Variants in KMT2D observed in about 807,000 individuals in gnomAD.
KMT2D encodes the protein lysine methyltransferase 2D.
A neutral mutation model predicts 512.7 loss-of-function variants in KMT2D; 55 were observed. The ratio of observed to expected loss-of-function variants is 0.11; its 90% confidence interval spans 0.09 to 0.13. The LOEUF (loss-of-function observed/expected upper bound fraction) is 0.13. Ranked by LOEUF, KMT2D falls within the 10% of genes least tolerant of loss-of-function variation. KMT2D has a pLI of 1.00. For synonymous variants in KMT2D, 2,995 were observed against 2,904.0 expected (o/e 1.03, Z -1.01); for missense variants, 6,061 against 7,127.9 (o/e 0.85, Z 5.39).
rs774403945 is a variant in KMT2D, at chr12:49,026,886, C to T, written c.15080G>A (p.Arg5027Gln). ...ACAGAAACAGCAGCGACGCATGTCT[C>T]GCGGTACCTTGTCAGGTCGCAAGGC... The part of the protein sequence containing the change: ...GTALRPDKVP[R>Q]DMRRCCFCHE... Residue 5027 changes from arginine to glutamine, a missense_variant, in exon 49 of 55, where the codon CGA becomes CAA. Transcript: ENST00000301067. The surrounding 1 kb of genome is among the most constrained non-coding windows in gnomAD (Gnocchi z 9.6). 6.2e-6 allele frequency: 10 copies of T among 1,613,908 alleles called. No homozygotes were observed. The highest frequency in any genetic ancestry group is 5.0e-5 in the Admixed American group (3 of 60,012).
chr12:49,041,277 G>T lies in KMT2D; in HGVS notation c.6493C>A (p.Pro2165Thr). 6.6e-6 allele frequency: 10 copies of T among 1,521,014 alleles called. No individual in the cohort carries two copies. The highest frequency in any genetic ancestry group is 8.8e-6 in the Non-Finnish European group (10 of 1,137,946). 94.2% of individuals were successfully genotyped at this position (1,521,014 alleles called of 1,614,324 possible). The stretch of plus-strand genomic sequence containing the variant: ...GAAGGCACTTGGGCGGGCACCTGGG[G>T]TGGGAGCTTGAGGAAGAGCTCACCA... ...SPGELFLKLP[P>T]QVPAQVPSQD... Residue 2165 changes from proline (P) to threonine (T), a missense_variant, in exon 32 of 55, where the codon CCC (proline) becomes ACC (threonine). Coordinates refer to ENST00000301067, the MANE Select transcript of KMT2D (RefSeq NM_003482.4). This position sits in a 1 kb window ranked among gnomAD's most constrained non-coding sequence, Gnocchi z 5.4.
chr12:49,041,136 G>C lies in KMT2D; in HGVS notation c.6634C>G (p.Leu2212Val), dbSNP rs750666025. ...PTGAPAQPPMLGASSRPGAGQ... is the reference protein window; with the variant it reads ...PTGAPAQPPMVGASSRPGAGQ... ...GCCCCAGGACGAGATGAGGCGCCCA[G>C]CATCGGGGGCTGCGCAGGGGCCCCC... Residue 2212 changes from leucine to valine, a missense_variant, in exon 32 of 55, where the codon CTG (leucine) becomes GTG (valine). This residue lies in a region of KMT2D where 710 missense variants were observed against 647.3 expected (regional missense o/e 1.10). Coordinates refer to ENST00000301067, the MANE Select transcript of KMT2D (RefSeq NM_003482.4). The surrounding 1 kb of genome is among the most constrained non-coding windows in gnomAD (Gnocchi z 5.4). 3.3e-6 allele frequency: 5 copies of C among 1,526,112 alleles called. 1 individual carries two copies. 94.5% of individuals were successfully genotyped at this position (1,526,112 alleles called of 1,614,324 possible).
rs368249592 is a variant in KMT2D at position 49,039,844 on chromosome 12, G to A, written c.7926C>T (p.Val2642=). The A allele has an allele frequency of 1.5e-5, 24 of 1,613,896 alleles. No individual in the cohort carries two copies. Among genetic ancestry groups the A allele is most frequent in the Middle Eastern group, 1.6e-4 (1 of 6,084 alleles). The change falls in exon 32 of 55, where the codon GTC becomes GTT. Residue 2642 remains valine, a synonymous_variant. Coordinates refer to ENST00000301067, the MANE Select transcript of KMT2D (RefSeq NM_003482.4). This position sits in a 1 kb window ranked among gnomAD's most constrained non-coding sequence, Gnocchi z 5.0. The stretch of plus-strand genomic sequence containing the variant: ...CAGTCCCTGGGTCTTCTCGCTTTTC[G>A]ACAGGAGAGGTGATGCCTGATCGCT... The part of the protein sequence containing the change: ...ASQRSGITSP[V]EKREDPGTGM...
chr12:49,039,985 C>T lies in KMT2D; in HGVS notation c.7785G>A (p.Gly2595=), dbSNP rs1197394788. ...GNFHPSGSPL[G]PSSGSTGESY... ...TCTCCCCTGTGGACCCGCTGCTGGG[C>T]CCCAGGGGGCTGCCCGATGGGTGGA... Residue 2595 remains glycine (G), a synonymous_variant, in exon 32 of 55, where the codon GGG becomes GGA. Transcript: ENST00000301067. This position sits in a 1 kb window ranked among gnomAD's most constrained non-coding sequence, Gnocchi z 5.0. 6.2e-7 allele frequency: 1 copy of T among 1,613,720 alleles called. No homozygotes were observed. The highest frequency in any genetic ancestry group is 8.5e-7 in the Non-Finnish European group (1 of 1,179,750).
chr12:49,021,947 G>A, intron 54 of KMT2D, 75 bp from the exon 55 acceptor site: 1 of 1,555,816 alleles, frequency 6.4e-7, no homozygotes, highest in Non-Finnish European at 8.9e-7. Context: ...TATGATCTGA[G>A]GTGCCCAGCC....
intron 35 of KMT2D, among the ~76,000 whole-genome samples, chr12:49,036,456 C>T (rs1387378995): frequency 6.8e-6 from 1 of 146,690 alleles, no homozygotes; most frequent in African/African-American, 2.5e-5. Flanking sequence ...GAACTACAGG[C>T]GTGCACCACC....
rs747921601 is a variant in KMT2D at position 49,051,095 on chromosome 12, C to G, written c.2588G>C (p.Arg863Pro). Residue 863 changes from arginine to proline, a missense_variant, in exon 11 of 55, where the codon CGG becomes CCG. Transcript: ENST00000301067. The part of the protein sequence containing the change: ...PELEKPPLSP[R>P]PEKPPEEPGQ... ...TGGCTCCTCAGGGGGCTTTTCAGGC[C>G]GAGGGGACAGGGGTGGCTTCTCAAG... is the stretch of plus-strand genomic sequence containing the variant. 2 of 1,519,988 alleles carry G rather than the reference C, an allele frequency of 1.3e-6. No homozygotes were observed. Among genetic ancestry groups the G allele is most frequent in the African/African-American group, 2.8e-5 (2 of 71,350 alleles). 94.2% of individuals were successfully genotyped at this position (1,519,988 alleles called of 1,614,324 possible). A position where few individuals can be genotyped will look rare whatever the true frequency, so the allele number is the denominator to read the frequency against.
At position 49,026,149 on chromosome 12, in the gene KMT2D, C is replaced by A. The variant is rs780141636; in HGVS notation, c.15784+33G>T. On this transcript the variant is annotated intron_variant, in intron 49 of 54. Transcript: ENST00000301067. This position sits in a 1 kb window ranked among gnomAD's most constrained non-coding sequence, Gnocchi z 9.6. Reference sequence around the variant, plus strand: ...GACCCTGGGAGAAACTTTTCCCATTCCATATTATCCATTTCAAGGGCCCAC... The same window carrying A: ...GACCCTGGGAGAAACTTTTCCCATTACATATTATCCATTTCAAGGGCCCAC... 1.3e-6 allele frequency: 2 copies of A among 1,521,812 alleles called. No homozygotes were observed. The highest frequency in any genetic ancestry group is 1.3e-5 in the South Asian group (1 of 76,668). 94.3% of individuals were successfully genotyped at this position (1,521,812 alleles called of 1,614,324 possible).
In KMT2D at chr12:49,041,793, G is replaced by C; in HGVS notation, c.6184-88C>G. On this transcript the variant is annotated intron_variant, in intron 30 of 54. Transcript: ENST00000301067. The surrounding 1 kb of genome is among the most constrained non-coding windows in gnomAD (Gnocchi z 5.4). Reference sequence around the variant, plus strand: ...GTAGTGTTTTCACACTCCCTACCCAGAAGCAGATCCCTTCTGGCCCAGCTG... The same window carrying C: ...GTAGTGTTTTCACACTCCCTACCCACAAGCAGATCCCTTCTGGCCCAGCTG... The C allele has an allele frequency of 6.5e-7, 1 of 1,533,012 alleles. No individual in the cohort carries two copies. Among genetic ancestry groups the C allele is most frequent in the Non-Finnish European group, 8.9e-7 (1 of 1,126,970 alleles). 95.0% of individuals were successfully genotyped at this position (1,533,012 alleles called of 1,614,324 possible).
In KMT2D at chr12:49,042,380, C is replaced by T; in HGVS notation, c.5868-50G>A. ...CAGGGCGCAGGGATGCCAAGTCCCA[C>T]CCCAGACAAACTGCCTAGAGCCCCA... On this transcript the variant is annotated intron_variant, in intron 28 of 54. Coordinates refer to ENST00000301067, the MANE Select transcript of KMT2D (RefSeq NM_003482.4). This position sits in a 1 kb window ranked among gnomAD's most constrained non-coding sequence, Gnocchi z 4.4. 2 of 1,491,742 alleles carry T rather than the reference C, an allele frequency of 1.3e-6. No homozygotes were observed. Among genetic ancestry groups the T allele is most frequent in the Non-Finnish European group, 1.8e-6 (2 of 1,118,866 alleles). 92.4% of individuals were successfully genotyped at this position (1,491,742 alleles called of 1,614,324 possible). A position where few individuals can be genotyped will look rare whatever the true frequency, so the allele number is the denominator to read the frequency against.
chr12:49,024,639 G>C lies in KMT2D; in HGVS notation c.15991C>G (p.Leu5331Val), dbSNP rs2137710588. Residue 5331 changes from leucine (L) to valine (V), a missense_variant, in exon 51 of 55, where the codon CTC becomes GTC. This residue lies in a region of KMT2D where 261 missense variants were observed against 440.7 expected (regional missense o/e 0.59). Transcript: ENST00000301067. This position sits in a 1 kb window ranked among gnomAD's most constrained non-coding sequence, Gnocchi z 4.5. Reference protein sequence around the residue: ...YGRHPLMELPLMINPTGCARS... With the variant: ...YGRHPLMELPVMINPTGCARS... The stretch of plus-strand genomic sequence containing the variant: ...GCACAGCCAGTGGGGTTGATCATGA[G>C]TGGCAGCTCCATAAGGGGGTGGCGC... 1 of 1,613,982 alleles carries C rather than the reference G, an allele frequency of 6.2e-7. No homozygotes were observed. The highest frequency in any genetic ancestry group is 8.5e-7 in the Non-Finnish European group (1 of 1,179,886).
intron 35 of KMT2D, 46 bp from the exon 36 acceptor site, chr12:49,034,981 C>G (rs767918759): frequency 6.2e-7 from 1 of 1,606,298 alleles, no homozygotes; most frequent in African/African-American, 1.3e-5. Flanking sequence ...GGCCAATGCT[C>G]CAGTGAATAT....
In KMT2D at chr12:49,040,016, C is replaced by T. The variant is rs2120521013; in HGVS notation, c.7754G>A (p.Gly2585Glu). The T allele has an allele frequency of 6.2e-7, 1 of 1,613,674 alleles. No individual in the cohort carries two copies. The highest frequency in any genetic ancestry group is 8.5e-7 in the Non-Finnish European group (1 of 1,179,776). ...GGGGCTGCCCGATGGGTGGAAGTTC[C>T]CTGTGGCTACTGTGTAGTTTGTGCT... is the stretch of plus-strand genomic sequence containing the variant. ...PQSTNYTVATGNFHPSGSPLG... is the reference protein window; with the variant it reads ...PQSTNYTVATENFHPSGSPLG... The change falls in exon 32 of 55, where the codon GGG (glycine) becomes GAG (glutamate). Residue 2585 changes from glycine (G) to glutamate (E), a missense_variant. Physicochemically the swap from Gly to Glu is moderately conservative, Grantham distance 98. This residue lies in a region of KMT2D where 527 missense variants were observed against 578.9 expected (regional missense o/e 0.91). Transcript: ENST00000301067.
At chr12:49,025,064 T>A in intron 49 of KMT2D, 118 bp from the exon 50 acceptor site, 1 of 1,201,338 alleles carries the variant, frequency 8.3e-7, no homozygotes, top group Non-Finnish European at 1.2e-6. Context: ...TATCATGAAG[T>A]TGTGTTGGTC....
rs752240940 is a variant in KMT2D at position 49,038,481 on chromosome 12, T to C, written c.8875A>G (p.Thr2959Ala). 16 of 1,606,854 alleles carry C rather than the reference T, an allele frequency of 1.0e-5. No homozygotes were observed. Among genetic ancestry groups the C allele is most frequent in the African/African-American group, 2.7e-5 (2 of 74,530 alleles). Residue 2959 changes from threonine (T) to alanine (A), a missense_variant, in exon 35 of 55, where the codon ACT becomes GCT. Thr to Ala is a moderately conservative substitution (Grantham distance 58, BLOSUM62 0). Coordinates refer to ENST00000301067, the MANE Select transcript of KMT2D (RefSeq NM_003482.4). This position sits in a 1 kb window ranked among gnomAD's most constrained non-coding sequence, Gnocchi z 5.7. Reference protein sequence around the residue: ...TPHTKGPTLPTGLELVNRPPS... With the variant: ...TPHTKGPTLPAGLELVNRPPS... Reference sequence around the variant, plus strand: ...GGCCGGTTGACCAGCTCCAAACCAGTTGGCAGGGTAGGACCCTTGGTGTGG... The same window carrying C: ...GGCCGGTTGACCAGCTCCAAACCAGCTGGCAGGGTAGGACCCTTGGTGTGG...
chr12:49,044,058 G>A lies in KMT2D; in HGVS notation c.5189-60C>T. The A allele has an allele frequency of 1.2e-6, 2 of 1,607,072 alleles. No individual in the cohort carries two copies. Among genetic ancestry groups the A allele is most frequent in the Non-Finnish European group, 1.7e-6 (2 of 1,175,936 alleles). On this transcript the variant is annotated intron_variant, in intron 22 of 54. Coordinates refer to ENST00000301067, the MANE Select transcript of KMT2D (RefSeq NM_003482.4). This position sits in a 1 kb window ranked among gnomAD's most constrained non-coding sequence, Gnocchi z 6.4. The stretch of plus-strand genomic sequence containing the variant: ...AGAGCATGCTGCTCCCAACTTGCAG[G>A]GTGACACTTTGTGCCTACTCTCTCC...
rs892233811 is a variant in KMT2D at position 49,038,052 on chromosome 12, G to A, written c.9304C>T (p.Pro3102Ser). The change falls in exon 35 of 55, where the codon CCT (proline) becomes TCT (serine). Residue 3102 changes from proline to serine, a missense_variant. By Grantham distance (74) the Pro-to-Ser change is moderately conservative (BLOSUM62 -1). Transcript: ENST00000301067. This position sits in a 1 kb window ranked among gnomAD's most constrained non-coding sequence, Gnocchi z 5.7. ...CGGGGTTCAGAGGCATCAGCAGCAG[G>A]GGGAGGGCGCTCCTCAGGGCCCAAG... ...GPLGPEERPP[P>S]AADASEPRLA... The A allele has an allele frequency of 3.7e-6, 6 of 1,612,402 alleles. No homozygotes were observed. The highest frequency in any genetic ancestry group is 5.1e-6 in the Non-Finnish European group (6 of 1,179,412).
In KMT2D at chr12:49,046,454, CA is replaced by C; in HGVS notation, c.4419-31del. 2 of 1,608,668 alleles carry C rather than the reference CA, an allele frequency of 1.2e-6. No individual in the cohort carries two copies. Among genetic ancestry groups the C allele is most frequent in the Non-Finnish European group, 1.7e-6 (2 of 1,176,314 alleles). The stretch of plus-strand genomic sequence containing the variant: ...TAGGAGCAGGAAAACAGAGCTTTAG[CA>C]CCCAACCTACCCGAAGTACCCAGAA... On this transcript the variant is annotated intron_variant, in intron 16 of 54. Transcript: ENST00000301067. The surrounding 1 kb of genome is among the most constrained non-coding windows in gnomAD (Gnocchi z 4.2).
intron 44 of KMT2D, 71 bp downstream of exon 44, chr12:49,029,330 G>A (rs1257234777): frequency 1.4e-5 from 22 of 1,579,136 alleles, no homozygotes; most frequent in East Asian, 2.3e-5. Context: ...AATCTCCATT[G>A]GCCAAAGGAA....
Sources: gnomAD v4.1 joint callset for allele counts (sites outside exome capture counted in the v4.1 genomes callset) on GRCh38, gnomAD v4.1.1 for gene constraint, gnomAD v4.1.1 regional missense constraint, Gnocchi (gnomAD v3.1) non-coding constraint, MANE v1.5 for transcripts, NCBI Gene and HGNC (gene_info 2026-07-23, HGNC 2026-07-21) for gene names.